NAGPA: variants seen among roughly 807,000 people sequenced by gnomAD.
NAGPA encodes alpha-N-acetylglucosaminyl phosphodiesterase.
Under a neutral mutation model 48.5 loss-of-function variants are expected in NAGPA, and 56 were observed. The observed-to-expected ratio is 1.15, with a 90% CI of 0.93 to 1.44. The LOEUF is 1.44. Ranked by LOEUF, NAGPA falls within the 40% of genes most tolerant of loss-of-function variation. NAGPA has a pLI of 0.00. For missense variants in NAGPA, 888 were observed against 735.0 expected (o/e 1.21, Z -2.41); for synonymous variants, 399 against 315.5 (o/e 1.26, Z -2.81).
At position 5,032,032 on chromosome 16, in the gene NAGPA, T is replaced by C. The variant is rs1596667775; in HGVS notation, c.543-148A>G. On this transcript the variant is annotated intron_variant, in intron 2 of 9. Coordinates refer to ENST00000312251, the MANE Select transcript of NAGPA (RefSeq NM_016256.4). ...GGGGCCTGAGTGTAGCTGGGACAAC[T>C]TAACAGCCCTAGGAATCTCCCTGTT... 9.9e-6 allele frequency: 10 copies of C among 1,007,600 alleles called. No individual in the cohort carries two copies. The East Asian group carries it at 2.5e-4, about 25-fold the overall frequency. The allele number at this position is 1,007,600 out of a possible 1,614,324, so 62.4% of individuals were successfully genotyped here.
chr16:5,025,195 C>A lies in NAGPA; in HGVS notation c.*283G>T. ...GGAGGAGGGAGACTCTTTGGCAGTG[C>A]GGCAGCCCTCCCGGGGGCACGGGCT... On this transcript the variant is annotated 3_prime_UTR_variant, in exon 10 of 10. Coordinates refer to ENST00000312251, the MANE Select transcript of NAGPA (RefSeq NM_016256.4). The A allele has an allele frequency of 2.0e-6, 1 of 496,014 alleles. No individual in the cohort carries two copies. The highest frequency in any genetic ancestry group is 3.7e-6 in the Non-Finnish European group (1 of 271,358). The allele number at this position is 496,014 out of a possible 1,614,324, so 30.7% of individuals were successfully genotyped here.
Position 5,033,827 on chromosome 16 carries a change from AC to A in NAGPA, c.86+1del. 1 of 1,552,238 alleles carries A rather than the reference AC, an allele frequency of 6.4e-7. No homozygotes were observed. Among genetic ancestry groups the A allele is most frequent in the Non-Finnish European group, 8.7e-7 (1 of 1,148,732 alleles). Reference sequence around the variant, plus strand: ...CAGGCTGGCCCAGGGAGCTGCACTCACCCCGAGTCGAGGCCGCCGGACGCTT... The same window carrying A: ...CAGGCTGGCCCAGGGAGCTGCACTCACCCGAGTCGAGGCCGCCGGACGCTT... On this transcript the variant is annotated splice_donor_variant, in intron 1 of 9. Coordinates refer to ENST00000312251, the MANE Select transcript of NAGPA (RefSeq NM_016256.4). LOFTEE classifies it high-confidence loss of function. The surrounding 1 kb of genome is among the most constrained non-coding windows in gnomAD (Gnocchi z 4.2).
chr16:5,030,248 G>C, intron 4 of NAGPA, 137 bp downstream of exon 4: 1 of 775,984 alleles, frequency 1.3e-6, no homozygotes, highest in South Asian at 1.5e-5. Flanking sequence ...GGGAAGGTGA[G>C]GGGGCCCTGG....
chr16:5,029,162 A>C, intron 4 of NAGPA, 154 bp from the exon 5 acceptor site: 14 of 1,285,848 alleles, frequency 1.1e-5, no homozygotes, highest in Non-Finnish European at 1.5e-5. Flanking sequence ...AGCCCCCGGA[A>C]GCTGTGAACA....
Position 5,033,517 on chromosome 16 carries a change from GC to G in NAGPA, c.297del (p.Glu99AspfsTer45). 6.5e-7 allele frequency: 1 copy of G among 1,527,382 alleles called. No homozygotes were observed. The highest frequency in any genetic ancestry group is 8.7e-7 in the Non-Finnish European group (1 of 1,146,496). The allele number at this position is 1,527,382 out of a possible 1,614,324, so 94.6% of individuals were successfully genotyped here. The part of the protein sequence containing the change: ...AVAGHLTRAV[E>X]PLRTFSVLEP... ...TCCAGCACCGAGAAGGTGCGCAGGG[GC>G]TCAACGGCCCGCGTCAGGTGGCCGG... On this transcript the variant is annotated frameshift_variant, in exon 2 of 10. Transcript: ENST00000312251. LOFTEE classifies it high-confidence loss of function. The surrounding 1 kb of genome is among the most constrained non-coding windows in gnomAD (Gnocchi z 4.2).
rs375048063 is a variant in NAGPA at position 5,027,212 on chromosome 16, G to A, written c.1277-14C>T. On this transcript the variant is annotated splice_polypyrimidine_tract_variant and intron_variant, in intron 8 of 9. Transcript: ENST00000312251. ...GACACTGCTTTACTGTAACATACCA[G>A]AGACAGGCTGAAGGGGCCGGAGCAG... The A allele has an allele frequency of 1.8e-4, 296 of 1,614,120 alleles. No homozygotes were observed. Among genetic ancestry groups the A allele is most frequent in the Non-Finnish European group, 2.4e-4 (283 of 1,180,048 alleles).
chr16:5,033,295 G>T lies in NAGPA; in HGVS notation c.520C>A (p.Arg174Ser), dbSNP rs1049428113. 2.5e-6 allele frequency: 4 copies of T among 1,595,694 alleles called. No individual in the cohort carries two copies. The highest frequency in any genetic ancestry group is 3.4e-6 in the Non-Finnish European group (4 of 1,178,938). ...GLQNAQFGIR[R>S]DGTLVTGYLS... is the part of the protein sequence containing the mutation. ...CACCCGGTGACCAGGGTCCCGTCGC[G>T]GCGGATCCCGAACTGCGCGTTCTGC... Residue 174 changes from arginine to serine, a missense_variant, in exon 2 of 10, where the codon CGC becomes AGC. Transcript: ENST00000312251. This position sits in a 1 kb window ranked among gnomAD's most constrained non-coding sequence, Gnocchi z 4.2.
chr16:5,031,465 C>T, intron 3 of NAGPA: 1 of 440,800 alleles, frequency 2.3e-6, no homozygotes, highest in Non-Finnish European at 4.2e-6. Context: ...TCACTTTTCT[C>T]TTCCTGTACC....
In NAGPA at chr16:5,028,889, G is replaced by C. The variant is rs1254374511; in HGVS notation, c.911C>G (p.Ser304Ter). 1 of 1,614,062 alleles carries C rather than the reference G, an allele frequency of 6.2e-7. No homozygotes were observed. Among genetic ancestry groups the C allele is most frequent in the Non-Finnish European group, 8.5e-7 (1 of 1,180,042 alleles). The change falls in exon 5 of 10, where the codon TCA becomes TGA. Residue 304 changes from serine (S) to a stop codon, truncating the protein, a stop_gained. Coordinates refer to ENST00000312251, the MANE Select transcript of NAGPA (RefSeq NM_016256.4). LOFTEE classifies it high-confidence loss of function. Reference protein sequence around the residue: ...VLNGTLASYPSDHCQDNMWRC... With the variant: ...VLNGTLASYP ...GCTCTCACGTGCTTACCAGTGATCTGACGGGTAACTGGCCAAGGTCCCGTT... is the reference window on the plus strand; with the variant it reads ...GCTCTCACGTGCTTACCAGTGATCTCACGGGTAACTGGCCAAGGTCCCGTT...
rs1386591402 is a variant in NAGPA, at chr16:5,033,846, G to A, written c.69C>T (p.Ser23=). ...LALFGFLWEA[S]GGLDSGASRD... ...GCACTCACCCCGAGTCGAGGCCGCC[G>A]GACGCTTCCCAGAGGAAGCCGAATA... Residue 23 remains serine (S), a synonymous_variant, in exon 1 of 10, where the codon TCC becomes TCT. Coordinates refer to ENST00000312251, the MANE Select transcript of NAGPA (RefSeq NM_016256.4). The surrounding 1 kb of genome is among the most constrained non-coding windows in gnomAD (Gnocchi z 4.2). 6.5e-7 allele frequency: 1 copy of A among 1,549,964 alleles called. No individual in the cohort carries two copies. Among genetic ancestry groups the A allele is most frequent in the Non-Finnish European group, 8.7e-7 (1 of 1,147,390 alleles).
chr16:5,033,896 G>T lies in NAGPA; in HGVS notation c.19C>A (p.Arg7Ser), dbSNP rs780511157. The T allele has an allele frequency of 2.6e-6, 4 of 1,549,192 alleles. No homozygotes were observed. Among genetic ancestry groups the T allele is most frequent in the Non-Finnish European group, 1.7e-6 (2 of 1,146,922 alleles). Reference sequence around the variant, plus strand: ...AGTGCAAGCCGGAGGAGAAGCCAGCGACCCGTGGAGGTCGCCATATTGGAC... The same window carrying T: ...AGTGCAAGCCGGAGGAGAAGCCAGCTACCCGTGGAGGTCGCCATATTGGAC... MATSTGRWLLLRLALFG... is the reference protein window; with the variant it reads MATSTGSWLLLRLALFG... Residue 7 changes from arginine to serine, a missense_variant, in exon 1 of 10, where the codon CGC (arginine) becomes AGC (serine). Transcript: ENST00000312251. This position sits in a 1 kb window ranked among gnomAD's most constrained non-coding sequence, Gnocchi z 4.2.
chr16:5,032,497 C>CG (rs558418618), intron 2 of NAGPA, among the ~76,000 whole-genome samples: 7 of 151,334 alleles, frequency 4.6e-5, no homozygotes, highest in East Asian at 3.9e-4. Context: ...CCCCGTTCCC[C>CG]ACCCCATCCC....
intron 2 of NAGPA, among the ~76,000 whole-genome samples, chr16:5,032,547 C>A (rs1956120638): frequency 6.6e-6 from 1 of 151,470 alleles, no homozygotes; most frequent in African/African-American, 2.4e-5. Context: ...GGCGTGGTGG[C>A]ACACGTCCGT....
In NAGPA at chr16:5,025,503, C is replaced by G. The variant is rs762483430; in HGVS notation, c.1523G>C (p.Gly508Ala). 30 of 1,612,250 alleles carry G rather than the reference C, an allele frequency of 1.9e-5. No individual in the cohort carries two copies. In the African/African-American group the frequency reaches 3.3e-4, roughly 18 times the overall value. ...PLAAEKEQPG[G>A]AHNPFKD ...TCAGTCCTTGAAGGGGTTGTGGGCG[C>G]CCCCTGGCTGCTCCTTCTCTGCGGC... The change falls in exon 10 of 10, where the codon GGC (glycine) becomes GCC (alanine). Residue 508 changes from glycine (G) to alanine (A), a missense_variant. Physicochemically the swap from Gly to Ala is moderately conservative, Grantham distance 60. Coordinates refer to ENST00000312251, the MANE Select transcript of NAGPA (RefSeq NM_016256.4).
At position 5,033,637 on chromosome 16, in the gene NAGPA, C is replaced by T. The variant is rs773582869; in HGVS notation, c.178G>A (p.Glu60Lys). ...GGAGGCGGAGGCCAACTCTCGTGCTCGCGGTTGCCGGCGCGCACCCGTGTG... is the reference window on the plus strand; with the variant it reads ...GGAGGCGGAGGCCAACTCTCGTGCTTGCGGTTGCCGGCGCGCACCCGTGTG... ...DCTRVRAGNREHESWPPPPAT... is the reference protein window; with the variant it reads ...DCTRVRAGNRKHESWPPPPAT... The change falls in exon 2 of 10, where the codon GAG becomes AAG. Residue 60 changes from glutamate (E) to lysine (K), a missense_variant. Glu to Lys is a moderately conservative substitution (Grantham distance 56). Coordinates refer to ENST00000312251, the MANE Select transcript of NAGPA (RefSeq NM_016256.4). The surrounding 1 kb of genome is among the most constrained non-coding windows in gnomAD (Gnocchi z 4.2). 1.3e-6 allele frequency: 2 copies of T among 1,535,178 alleles called. No homozygotes were observed. Among genetic ancestry groups the T allele is most frequent in the Middle Eastern group, 2.3e-4 (1 of 4,418 alleles).
In NAGPA at chr16:5,033,076, C is replaced by G; in HGVS notation, c.542+197G>C. Reference sequence around the variant, plus strand: ...TCACGGCTATCTCACCGGGGCGCGGCACATTGCCTGATACAAGCAAGTGCT... The same window carrying G: ...TCACGGCTATCTCACCGGGGCGCGGGACATTGCCTGATACAAGCAAGTGCT... On this transcript the variant is annotated intron_variant, in intron 2 of 9. Coordinates refer to ENST00000312251, the MANE Select transcript of NAGPA (RefSeq NM_016256.4). This position sits in a 1 kb window ranked among gnomAD's most constrained non-coding sequence, Gnocchi z 4.2. 1 of 670,910 alleles carries G rather than the reference C, an allele frequency of 1.5e-6. No individual in the cohort carries two copies. The highest frequency in any genetic ancestry group is 1.8e-5 in the African/African-American group (1 of 55,752). The allele number at this position is 670,910 out of a possible 1,614,324, so 41.6% of individuals were successfully genotyped here.
At chr16:5,030,611 C>A in intron 3 of NAGPA, 118 bp from the exon 4 acceptor site, 1 of 826,090 alleles carries the variant, frequency 1.2e-6, no homozygotes, top group Non-Finnish European at 2.0e-6. Flanking sequence ...ACAGCAGCCT[C>A]CTTGCTCGTC....
Position 5,027,122 on chromosome 16 carries a change from C to T in NAGPA, c.1340+13G>A, listed in dbSNP as rs1230111759. 26 of 1,613,978 alleles carry T rather than the reference C, an allele frequency of 1.6e-5. No individual in the cohort carries two copies. Among genetic ancestry groups the T allele is most frequent in the Non-Finnish European group, 2.2e-5 (26 of 1,180,028 alleles). On this transcript the variant is annotated intron_variant, in intron 9 of 9. Coordinates refer to ENST00000312251, the MANE Select transcript of NAGPA (RefSeq NM_016256.4). ...CCTCCCGCCCTGGCCCCAGCTCCCA[C>T]AGAAGCACCTACCTGGTGAAAAAGG... is the stretch of plus-strand genomic sequence containing the variant.
intron 4 of NAGPA, 146 bp from the exon 5 acceptor site, chr16:5,029,154 C>T (rs1956058897): frequency 1.5e-6 from 2 of 1,353,780 alleles, no homozygotes; most frequent in African/African-American, 1.4e-5. Flanking sequence ...CTCATCCTAG[C>T]CCCCGGAAGC....
Sources: gnomAD v4.1 joint callset for allele counts (sites outside exome capture counted in the v4.1 genomes callset) on GRCh38, gnomAD v4.1.1 for gene constraint, Gnocchi (gnomAD v3.1) non-coding constraint, MANE v1.5 for transcripts, NCBI Gene and HGNC (gene_info 2026-07-23, HGNC 2026-07-21) for gene names.